The following FILIP1 variants were observed in gnomAD, a reference collection of about 807,000 sequenced individuals.
The protein encoded by FILIP1 is filamin-A-interacting protein 1.
A neutral mutation model predicts 102.1 loss-of-function variants in FILIP1; 61 were observed. That is an observed-to-expected ratio of 0.60 (90% CI 0.49 to 0.74). The LOEUF is 0.74. Among genes scored for constraint, FILIP1 ranks in the 30% least tolerant of loss-of-function variants. The probability of loss-of-function intolerance (pLI) is 0.00; values close to 1 mark genes in which losing one functional copy is unlikely to be tolerated. For synonymous variants in FILIP1, 491 were observed against 526.9 expected (o/e 0.93, Z 0.93); for missense variants, 1,314 against 1,441.2 (o/e 0.91, Z 1.43).
chr6:75,457,249 C>T (rs1422113415), intron 1 of FILIP1, among the ~76,000 whole-genome samples: 5 of 152,176 alleles, frequency 3.3e-5, no homozygotes, highest in African/African-American at 4.8e-5. Context: ...ATTGAAAAAG[C>T]AGTGTGTTGA....
chr6:75,308,705 C>T lies in FILIP1; in HGVS notation c.3628G>A (p.Gly1210Arg). Residue 1210 changes from glycine to arginine, a missense_variant, in exon 6 of 6, where the codon GGG (glycine) becomes AGG (arginine). Physicochemically the swap from Gly to Arg is moderately radical, Grantham distance 125. Around this residue, in one of 3 missense-constraint regions of FILIP1, gnomAD observed 816 missense variants for 913.1 expected, o/e 0.89. Coordinates refer to ENST00000237172, the MANE Select transcript of FILIP1 (RefSeq NM_015687.5). ...AGCCACTGCCCTCAGCCCTTCCCCC[C>T]TCCGAGAGAGGTGGTGCTGCTGGCT... ...SAASSTTSLG[G>R]GKG The T allele has an allele frequency of 6.2e-7, 1 of 1,613,084 alleles. No individual in the cohort carries two copies. Among genetic ancestry groups the T allele is most frequent in the Non-Finnish European group, 8.5e-7 (1 of 1,180,016 alleles).
intron 2 of FILIP1, chr6:75,386,027 AG>A (rs1776084222): frequency 6.6e-6 from 1 of 152,210 alleles, no homozygotes; most frequent in African/African-American, 2.4e-5. Flanking sequence ...TTTCAGGGAA[AG>A]AACTTTCTGG....
chr6:75,381,779 T>C (rs1179354286), intron 2 of FILIP1, among the ~76,000 whole-genome samples: 1 of 152,210 alleles, frequency 6.6e-6, no homozygotes, highest in Non-Finnish European at 1.5e-5. Flanking sequence ...TCTTACATTT[T>C]ACTCTAGCAT....
intron 1 of FILIP1, among the ~76,000 whole-genome samples, chr6:75,489,317 A>G (rs1779888596): frequency 6.6e-6 from 1 of 152,104 alleles, no homozygotes; most frequent in African/African-American, 2.4e-5. Context: ...GCTGCTGTTC[A>G]AATTGTGTCT....
intron 1 of FILIP1, chr6:75,428,507 G>A (rs1777710249): frequency 6.5e-6 from 1 of 154,308 alleles, no homozygotes; most frequent in African/African-American, 2.4e-5. Flanking sequence ...TGCTGATGCT[G>A]TTAGTCCCAA....
chr6:75,317,922 G>C (rs1773497650), intron 4 of FILIP1, among the ~76,000 whole-genome samples: 1 of 152,218 alleles, frequency 6.6e-6, no homozygotes, highest in African/African-American at 2.4e-5. Flanking sequence ...TGCACAAATA[G>C]ACCTGCAATC....
chr6:75,298,564 C>T lies in FILIP1; in HGVS notation c.3494-2614G>A, dbSNP rs532950033. ...TAGCTATGTTTTCCCCAAGTCTCTGCTGAACTTACTCAATAAGAATCACCT... is the reference window on the plus strand; with the variant it reads ...TAGCTATGTTTTCCCCAAGTCTCTGTTGAACTTACTCAATAAGAATCACCT... On this transcript the variant is annotated intron_variant, in intron 6 of 6. Transcript: ENST00000393004. Among the ~76,000 whole-genome samples the T allele has an allele frequency of 1.7e-4, 26 of 152,276 alleles. No individual in the cohort carries two copies. The South Asian group carries it at 4.4e-3, about 26-fold the overall frequency.
At chr6:75,425,364 T>C (rs1255556231) in intron 1 of FILIP1, among the ~76,000 whole-genome samples, 4 of 152,188 alleles carry the variant, frequency 2.6e-5, no homozygotes, top group Non-Finnish European at 5.9e-5. Flanking sequence ...TTATCTAAAA[T>C]GTCATGCCAC....
intron 3 of FILIP1, among the ~76,000 whole-genome samples, chr6:75,356,613 C>T (rs566392093): frequency 6.6e-6 from 1 of 152,182 alleles, no homozygotes; most frequent in Non-Finnish European, 1.5e-5. Context: ...GGATTACAGG[C>T]TCCCACCACC....
intron 4 of FILIP1, 71 bp downstream of exon 4, chr6:75,353,468 C>T (rs1466871119): frequency 2.6e-6 from 4 of 1,545,468 alleles, no homozygotes; most frequent in Non-Finnish European, 1.8e-6. Context: ...AAGACTGATC[C>T]CTGAAGGGAC....
intron 2 of FILIP1, among the ~76,000 whole-genome samples, chr6:75,404,952 T>C (rs1776789830): frequency 1.3e-5 from 2 of 152,222 alleles, no homozygotes; most frequent in Admixed American, 1.3e-4. Context: ...CACAGTAAAG[T>C]GTCTTTCCCT....
chr6:75,429,428 C>T (rs1221670915), intron 1 of FILIP1, among the ~76,000 whole-genome samples: 1 of 152,138 alleles, frequency 6.6e-6, no homozygotes, highest in Non-Finnish European at 1.5e-5. Flanking sequence ...ATGTTACTTT[C>T]CAAGGGGAGA....
At chr6:75,398,495 G>A (rs956224957) in intron 2 of FILIP1, among the ~76,000 whole-genome samples, 4 of 152,184 alleles carry the variant, frequency 2.6e-5, no homozygotes, top group Non-Finnish European at 4.4e-5. Flanking sequence ...CACTGAGGCC[G>A]AAAGGAGGGA....
chr6:75,445,631 T>TC (rs994335015), intron 1 of FILIP1, among the ~76,000 whole-genome samples: 1 of 151,876 alleles, frequency 6.6e-6, no homozygotes, highest in African/African-American at 2.4e-5. Context: ...TTTTTTTTTT[T>TC]ACTCCCAGCA....
At chr6:75,382,596 T>A (rs1297544371) in intron 2 of FILIP1, among the ~76,000 whole-genome samples, 1 of 152,216 alleles carries the variant, frequency 6.6e-6, no homozygotes, top group Non-Finnish European at 1.5e-5. Context: ...TATCTCTTTT[T>A]TTCTCAGGCA....
chr6:75,441,686 G>A (rs1304395492), intron 1 of FILIP1, among the ~76,000 whole-genome samples: 23 of 148,696 alleles, frequency 1.5e-4, no homozygotes, highest in African/African-American at 5.8e-4. Flanking sequence ...CCTCCCTGAC[G>A]GGGCGGCTGG....
At chr6:75,353,023 G>A (rs73453770) in intron 4 of FILIP1, among the ~76,000 whole-genome samples, 1,644 of 150,152 alleles carry the variant, frequency 0.011, 38 homozygotes, top group African/African-American at 0.039. Context: ...AAACTTACAC[G>A]GGGTGGGGAA....
At chr6:75,293,357 T>C (rs1453384384) in exon 7 of FILIP1, 1 of 152,228 alleles carries the variant, frequency 6.6e-6, no homozygotes, top group African/African-American at 2.4e-5. Flanking sequence ...CATGTTGAGA[T>C]GGGACTATTT....
intron 2 of FILIP1, among the ~76,000 whole-genome samples, chr6:75,381,557 T>A (rs899827764): frequency 1.1e-4 from 16 of 152,284 alleles, no homozygotes; most frequent in Non-Finnish European, 2.2e-4. Context: ...AAGTGCTACG[T>A]ATTTCAGCTC....
Sources: allele counts gnomAD v4.1 joint callset (sites outside exome capture counted in the v4.1 genomes callset), GRCh38; gene constraint gnomAD v4.1.1; regional missense constraint gnomAD v4.1.1; transcripts MANE v1.5; gene names NCBI Gene and HGNC (gene_info 2026-07-23, HGNC 2026-07-21).